TENM3: variants seen among roughly 807,000 people sequenced by gnomAD.
TENM3 encodes the protein teneurin-3.
In TENM3, 63 loss-of-function variants were observed where a neutral mutation model predicts 255.1. The observed-to-expected ratio is 0.25, with a 90% CI of 0.20 to 0.30. The LOEUF (loss-of-function observed/expected upper bound fraction) is 0.30, where lower values mean the gene tolerates loss of function less well. TENM3 is among the 10% of genes least tolerant of loss of function. TENM3 has a pLI of 1.00. For synonymous variants in TENM3, 1,306 were observed against 1,322.3 expected (o/e 0.99, Z 0.27); for missense variants, 2,929 against 3,461.1 (o/e 0.85, Z 3.86).
chr4:182,024,049 A>G, the TENM3 span, among the ~76,000 whole-genome samples: 3,576 of 152,296 alleles, frequency 0.023, 143 homozygotes, highest in African/African-American at 0.08. Flanking sequence ...TATATATTTC[A>G]GTTTTTAAAT....
At chr4:182,179,388 T>C (rs1277848701) in intron 1 of TENM3, among the ~76,000 whole-genome samples, 1 of 152,202 alleles carries the variant, frequency 6.6e-6, no homozygotes, top group Non-Finnish European at 1.5e-5. Context: ...TGTTTTTGCA[T>C]TGAATTAATT....
chr4:181,466,118 T>TCTTTA, the TENM3 span, among the ~76,000 whole-genome samples: 59,371 of 128,668 alleles, frequency 0.46, 13,201 homozygotes, highest in Non-Finnish European at 0.53. Context: ...GAATTTTTTT[T>TCTTTA]TTTGTTTTGT....
At chr4:182,599,370 T>C (rs565186438) in intron 3 of TENM3, among the ~76,000 whole-genome samples, 5 of 152,316 alleles carry the variant, frequency 3.3e-5, no homozygotes, top group Middle Eastern at 3.4e-3. Context: ...TCCTGCAGTT[T>C]CTGGTATGGG....
At chr4:182,762,660 G>A (rs1420873054) in intron 22 of TENM3, among the ~76,000 whole-genome samples, 2 of 152,176 alleles carry the variant, frequency 1.3e-5, no homozygotes, top group African/African-American at 4.8e-5. Context: ...TCAGCACAGA[G>A]AAAGTCCCTG....
the TENM3 span, among the ~76,000 whole-genome samples, chr4:181,678,581 G>A: frequency 2.0e-5 from 3 of 152,020 alleles, no homozygotes; most frequent in Non-Finnish European, 4.4e-5. Flanking sequence ...AAAGAAAATA[G>A]ATAGGCATAA....
chr4:182,181,374 C>T (rs1752829520), intron 1 of TENM3, among the ~76,000 whole-genome samples: 1 of 152,156 alleles, frequency 6.6e-6, no homozygotes, highest in African/African-American at 2.4e-5. Flanking sequence ...AAGAGGGGGC[C>T]CTCCCGTGGG....
chr4:182,675,641 T>C (rs1038560409), intron 7 of TENM3, among the ~76,000 whole-genome samples: 13 of 152,134 alleles, frequency 8.5e-5, no homozygotes, highest in African/African-American at 3.1e-4. Context: ...CAGTGAAATA[T>C]GAAAAAATAT....
intron 3 of TENM3, among the ~76,000 whole-genome samples, chr4:182,411,307 G>A (rs940452179): frequency 1.3e-5 from 2 of 152,224 alleles, no homozygotes; most frequent in Non-Finnish European, 2.9e-5. Flanking sequence ...ATTTCATGGA[G>A]AGTTTTTGAC....
the TENM3 span, among the ~76,000 whole-genome samples, chr4:181,580,470 T>C: frequency 6.6e-6 from 1 of 152,060 alleles, no homozygotes; most frequent in Non-Finnish European, 1.5e-5. Flanking sequence ...GTGCAAAGTA[T>C]TACTGTCTCG....
At chr4:181,729,883 A>G in the TENM3 span, among the ~76,000 whole-genome samples, 1 of 152,242 alleles carries the variant, frequency 6.6e-6, no homozygotes, top group Non-Finnish European at 1.5e-5. Flanking sequence ...ATACCTGGCC[A>G]CACGATGTCT....
chr4:182,436,259 C>T (rs182981389), intron 3 of TENM3, among the ~76,000 whole-genome samples: 3 of 152,250 alleles, frequency 2.0e-5, no homozygotes, highest in East Asian at 1.9e-4. Context: ...CTTATCCAAA[C>T]GGACCGAGTT....
the TENM3 span, among the ~76,000 whole-genome samples, chr4:182,030,907 G>T: frequency 2.0e-5 from 3 of 151,956 alleles, no homozygotes; most frequent in Admixed American, 2.0e-4. Flanking sequence ...GGGGTTGTTT[G>T]GTTTTTCTTG....
rs530578969 is a variant in TENM3 at position 182,639,355 on chromosome 4, T to G, written c.988+10466T>G. 3.3e-5 allele frequency among the ~76,000 whole-genome samples: 5 copies of G among 152,314 alleles called. No homozygotes were observed. The East Asian group carries it at 9.6e-4, about 29-fold the overall frequency. On this transcript the variant is annotated intron_variant, in intron 5 of 27. Coordinates refer to ENST00000511685, the MANE Select transcript of TENM3 (RefSeq NM_001080477.4). Reference sequence around the variant, plus strand: ...AATTTCTTCCTCAATATAAACAAGTTTCAAAATAGTACAGCTATGGGGAAA... The same window carrying G: ...AATTTCTTCCTCAATATAAACAAGTGTCAAAATAGTACAGCTATGGGGAAA...
the TENM3 span, among the ~76,000 whole-genome samples, chr4:181,522,030 G>A: frequency 6.8e-6 from 1 of 147,618 alleles, no homozygotes; most frequent in South Asian, 2.1e-4. Flanking sequence ...GAACGCGGGA[G>A]GCAGAGCTTG....
In TENM3 at chr4:182,801,643, T is replaced by G. The variant is rs1766976566; in HGVS notation, c.*1292T>G. On this transcript the variant is annotated 3_prime_UTR_variant, in exon 28 of 28. Transcript: ENST00000511685. ...GTGATCCTAAACACGTGTCTTAAGA[T>G]CTAGGAAAGACAGCAGAAACCGAGC... 1 of 152,184 alleles carries G rather than the reference T, an allele frequency of 6.6e-6. No individual in the cohort carries two copies. The highest frequency in any genetic ancestry group is 6.5e-5 in the Admixed American group (1 of 15,280). 9.4% of individuals were successfully genotyped at this position (152,184 alleles called of 1,614,324 possible).
chr4:182,659,750 A>C (rs1581237974), intron 6 of TENM3, among the ~76,000 whole-genome samples: 1 of 152,168 alleles, frequency 6.6e-6, no homozygotes, highest in South Asian at 2.1e-4. Context: ...TTCACACACA[A>C]ATTTGAGATA....
At chr4:181,933,431 T>C in the TENM3 span, among the ~76,000 whole-genome samples, 1 of 152,176 alleles carries the variant, frequency 6.6e-6, no homozygotes, top group African/African-American at 2.4e-5. Flanking sequence ...CCAATTATAC[T>C]CACAACCACG....
intron 6 of TENM3, among the ~76,000 whole-genome samples, chr4:182,661,001 T>TTAGGA (rs1191572148): frequency 1.1e-4 from 17 of 152,166 alleles, no homozygotes; most frequent in African/African-American, 4.1e-4. Flanking sequence ...CTAGGATAAT[T>TTAGGA]TAGGATAATA....
the TENM3 span, among the ~76,000 whole-genome samples, chr4:181,811,623 G>T: frequency 1.3e-5 from 2 of 152,176 alleles, no homozygotes; most frequent in Non-Finnish European, 2.9e-5. Context: ...CAATCATGGT[G>T]GAAGACAAAG....
Sources: allele counts gnomAD v4.1 joint callset (sites outside exome capture counted in the v4.1 genomes callset), GRCh38; gene constraint gnomAD v4.1.1; transcripts MANE v1.5; gene names NCBI Gene and HGNC (gene_info 2026-07-23, HGNC 2026-07-21).